Variants in RNMT observed in about 807,000 individuals in gnomAD.
RNMT encodes the protein RNA guanine-7 methyltransferase.
A neutral mutation model predicts 56.0 loss-of-function variants in RNMT; 27 were observed. The observed-to-expected ratio is 0.48, with a 90% CI of 0.36 to 0.67. The LOEUF is 0.67. Ranked by LOEUF, RNMT falls within the 30% of genes least tolerant of loss-of-function variation. The probability of loss-of-function intolerance (pLI) is 0.00; values close to 1 mark genes in which losing one functional copy is unlikely to be tolerated. For missense variants in RNMT, 519 were observed against 552.1 expected, an observed-to-expected ratio of 0.94 and a Z score of 0.60; for synonymous variants, 184 against 176.2, an observed-to-expected ratio of 1.04 and a Z score of -0.35.
At chr18:13,732,126 TA>T (rs758708805) in intron 3 of RNMT, among the ~76,000 whole-genome samples, 192 bp downstream of exon 3, 6 of 152,220 alleles carry the variant, frequency 3.9e-5, no homozygotes, top group Non-Finnish European at 5.9e-5. Context: ...GCTAATGAGA[TA>T]GATTTTTTAG....
chr18:13,741,423 C>A, intron 6 of RNMT, 87 bp from the exon 7 acceptor site: 1 of 819,556 alleles, frequency 1.2e-6, no homozygotes, highest in Non-Finnish European at 1.9e-6. Flanking sequence ...AAGGAAGAAC[C>A]TTACATTCTA....
In RNMT at chr18:13,730,664, C is replaced by T. The variant is rs1295692554; in HGVS notation, c.-134C>T. Reference sequence around the variant, plus strand: ...TATTGGGTACTGTACAACTTCAAGCCTCGAAATCAGATAGGCACCACCAAC... The same window carrying T: ...TATTGGGTACTGTACAACTTCAAGCTTCGAAATCAGATAGGCACCACCAAC... On this transcript the variant is annotated 5_prime_UTR_variant, in exon 2 of 12. Coordinates refer to ENST00000383314, the MANE Select transcript of RNMT (RefSeq NM_003799.3). 6.6e-6 allele frequency: 1 copy of T among 152,190 alleles called. No homozygotes were observed. The highest frequency in any genetic ancestry group is 2.4e-5 in the African/African-American group (1 of 41,444). The allele number at this position is 152,190 out of a possible 1,614,324, so 9.4% of individuals were successfully genotyped here. A position where few individuals can be genotyped will look rare whatever the true frequency, so the allele number is the denominator to read the frequency against.
At position 13,742,586 on chromosome 18, in the gene RNMT, A is replaced by G. The variant is rs1338564274; in HGVS notation, c.1073A>G (p.Tyr358Cys). 1.2e-6 allele frequency: 2 copies of G among 1,613,734 alleles called. No individual in the cohort carries two copies. Among genetic ancestry groups the G allele is most frequent in the Non-Finnish European group, 1.7e-6 (2 of 1,179,842 alleles). ...KGDYPLFGCK[Y>C]DFNLEGVVDV... ...GATTATCCTTTATTTGGCTGCAAAT[A>G]TGACTTCAACTTGGAAGGTGTTGTG... Residue 358 changes from tyrosine (Y) to cysteine (C), a missense_variant, in exon 8 of 12, where the codon TAT becomes TGT. Transcript: ENST00000383314.
chr18:13,740,816 A>C (rs778950046), intron 6 of RNMT, among the ~76,000 whole-genome samples: 2 of 152,254 alleles, frequency 1.3e-5, no homozygotes, highest in Admixed American at 1.3e-4. Flanking sequence ...TTGAATTGAA[A>C]TTAGCTGTTG....
In RNMT at chr18:13,746,434, T is replaced by C. The variant is rs1180880402; in HGVS notation, c.1257+97T>C. On this transcript the variant is annotated intron_variant, in intron 9 of 11. Coordinates refer to ENST00000383314, the MANE Select transcript of RNMT (RefSeq NM_003799.3). ...AGGCCATCTGAACATGAAATAGTTATGTGTATTACGCTCTTCAGCACCTAG... is the reference window on the plus strand; with the variant it reads ...AGGCCATCTGAACATGAAATAGTTACGTGTATTACGCTCTTCAGCACCTAG... The C allele has an allele frequency of 3.7e-5, 28 of 759,062 alleles. No homozygotes were observed. In the Middle Eastern group the frequency reaches 9.3e-4, roughly 25 times the overall value. 47.0% of individuals were successfully genotyped at this position (759,062 alleles called of 1,614,324 possible). A position where few individuals can be genotyped will look rare whatever the true frequency, so the allele number is the denominator to read the frequency against.
chr18:13,731,709 T>TG lies in RNMT; in HGVS notation c.193dup (p.Asp65GlyfsTer8). 1.9e-6 allele frequency: 3 copies of TG among 1,613,484 alleles called. No individual in the cohort carries two copies. The highest frequency in any genetic ancestry group is 2.5e-6 in the Non-Finnish European group (3 of 1,179,884). On this transcript the variant is annotated frameshift_variant, in exon 3 of 12. Coordinates refer to ENST00000383314, the MANE Select transcript of RNMT (RefSeq NM_003799.3). LOFTEE classifies it high-confidence loss of function. ...CAAGAAAGAGAAAAGAGTTTGAAGA[T>TG]GATCTTGTAAAGGAAAGTTCTAGTT...
At position 13,760,205 on chromosome 18, in the gene RNMT, T is replaced by TTAGG; in HGVS notation, c.*229_*232dup. ...GACCTCTGTCTTTAAAAATCTATTT[T>TTAGG]TAGGTAATGTTCTAAGAATTCCATT... On this transcript the variant is annotated 3_prime_UTR_variant, in exon 12 of 12. Transcript: ENST00000383314. 1 of 1,244,892 alleles carries TTAGG rather than the reference T, an allele frequency of 8.0e-7. No homozygotes were observed. The allele number at this position is 1,244,892 out of a possible 1,614,324, so 77.1% of individuals were successfully genotyped here. A position where few individuals can be genotyped will look rare whatever the true frequency, so the allele number is the denominator to read the frequency against.
rs762523092 is a variant in RNMT, at chr18:13,734,472, A to G, written c.426A>G (p.Glu142=). 6.9e-6 allele frequency: 11 copies of G among 1,603,282 alleles called. No individual in the cohort carries two copies. In the Admixed American group the frequency reaches 1.4e-4, roughly 20 times the overall value. Residue 142 remains glutamate, a synonymous_variant, in exon 4 of 12, where the codon GAA becomes GAG. Transcript: ENST00000383314. ...EDVPEKQKNL[E]EGHSSTVAAH... Reference sequence around the variant, plus strand: ...TTCTCTTTTATTTTCAGAATCTGGAAGAAGGACACAGCTCAACAGTGGCTG... The same window carrying G: ...TTCTCTTTTATTTTCAGAATCTGGAGGAAGGACACAGCTCAACAGTGGCTG...
At position 13,761,924 on chromosome 18, in the gene RNMT, A is replaced by G. The variant is rs1444741523; in HGVS notation, c.*1945A>G. The stretch of plus-strand genomic sequence containing the variant: ...GATATTGACTTAAGAACTGTTAGGA[A>G]GAGGACTAGAAAAGGCTTCCCCTGC... On this transcript the variant is annotated 3_prime_UTR_variant, in exon 12 of 12. Coordinates refer to ENST00000383314, the MANE Select transcript of RNMT (RefSeq NM_003799.3). 3 of 1,430,774 alleles carry G rather than the reference A, an allele frequency of 2.1e-6. No individual in the cohort carries two copies. Among genetic ancestry groups the G allele is most frequent in the African/African-American group, 1.4e-5 (1 of 69,144 alleles). The allele number at this position is 1,430,774 out of a possible 1,614,324, so 88.6% of individuals were successfully genotyped here.
chr18:13,740,995 G>T (rs532509613), intron 6 of RNMT, among the ~76,000 whole-genome samples: 1 of 152,236 alleles, frequency 6.6e-6, no homozygotes, highest in African/African-American at 2.4e-5. Flanking sequence ...TGCTTCAAGG[G>T]TGAAAGTCTC....
chr18:13,761,470 A>G lies in RNMT; in HGVS notation c.*1491A>G. On this transcript the variant is annotated 3_prime_UTR_variant, in exon 12 of 12. Transcript: ENST00000383314. ...ATAGCTTTGTAGGTACAGGAAAAAC[A>G]TCATCATTATTTCCTCTGTTCACAT... 1.0e-6 allele frequency: 1 copy of G among 986,182 alleles called. No individual in the cohort carries two copies. Among genetic ancestry groups the G allele is most frequent in the Non-Finnish European group, 1.2e-6 (1 of 830,414 alleles). 61.1% of individuals were successfully genotyped at this position (986,182 alleles called of 1,614,324 possible).
At chr18:13,737,922 T>G (rs1438845153) in intron 5 of RNMT, among the ~76,000 whole-genome samples, 2 of 152,130 alleles carry the variant, frequency 1.3e-5, no homozygotes, top group Non-Finnish European at 2.9e-5. Flanking sequence ...TTTTTCATTC[T>G]TTATGAAATA....
chr18:13,749,561 C>T (rs868492757), intron 9 of RNMT, among the ~76,000 whole-genome samples: 110 of 152,250 alleles, frequency 7.2e-4, no homozygotes, highest in African/African-American at 2.5e-3. Flanking sequence ...GGGAGTTGTA[C>T]GTTTAAAGTG....
chr18:13,758,891 TA>T (rs1172803234), intron 11 of RNMT, among the ~76,000 whole-genome samples: 2 of 152,086 alleles, frequency 1.3e-5, no homozygotes, highest in Non-Finnish European at 2.9e-5. Flanking sequence ...GTAGGATTAT[TA>T]ACTGGCCTTA....
intron 4 of RNMT, among the ~76,000 whole-genome samples, chr18:13,736,714 T>C (rs2044163107): frequency 6.6e-6 from 1 of 152,202 alleles, no homozygotes; most frequent in South Asian, 2.1e-4. Context: ...TGTGTTGTCT[T>C]ATATTAGAAT....
chr18:13,755,514 G>C (rs940046818), intron 11 of RNMT, among the ~76,000 whole-genome samples: 28 of 152,176 alleles, frequency 1.8e-4, no homozygotes, highest in Non-Finnish European at 8.8e-5. Context: ...TAAGTGATCT[G>C]TCATTTTAAC....
intron 6 of RNMT, among the ~76,000 whole-genome samples, chr18:13,741,105 A>G (rs529321038): frequency 6.6e-6 from 1 of 152,260 alleles, no homozygotes; most frequent in Non-Finnish European, 1.5e-5. Flanking sequence ...AGTGAAAAAG[A>G]TAAGTGGGAG....
intron 4 of RNMT, among the ~76,000 whole-genome samples, chr18:13,736,079 G>T (rs75025510): frequency 0.044 from 6,732 of 152,188 alleles, 234 homozygotes; most frequent in Non-Finnish European, 0.069. Flanking sequence ...GTATATAAAT[G>T]CAGAGATTTT....
rs2044617181 is a variant in RNMT at position 13,761,421 on chromosome 18, A to G, written c.*1442A>G. The G allele has an allele frequency of 1.0e-6, 1 of 985,584 alleles. No homozygotes were observed. 61.1% of individuals were successfully genotyped at this position (985,584 alleles called of 1,614,324 possible). A position where few individuals can be genotyped will look rare whatever the true frequency, so the allele number is the denominator to read the frequency against. On this transcript the variant is annotated 3_prime_UTR_variant, in exon 12 of 12. Coordinates refer to ENST00000383314, the MANE Select transcript of RNMT (RefSeq NM_003799.3). Reference sequence around the variant, plus strand: ...ACATATGCAGGTTCGTTTTCATTCTAGGGCAGTGCCAGGAAGTATATTGAT... The same window carrying G: ...ACATATGCAGGTTCGTTTTCATTCTGGGGCAGTGCCAGGAAGTATATTGAT...
Sources: allele counts gnomAD v4.1 joint callset (sites outside exome capture counted in the v4.1 genomes callset), GRCh38; gene constraint gnomAD v4.1.1; transcripts MANE v1.5; gene names NCBI Gene and HGNC (gene_info 2026-07-23, HGNC 2026-07-21).